The following SLC24A3 variants were observed in gnomAD, a reference collection of about 807,000 sequenced individuals.
The protein encoded by SLC24A3 is sodium/potassium/calcium exchanger 3.
In SLC24A3, 28 loss-of-function variants were observed where a neutral mutation model predicts 75.8. The observed-to-expected ratio is 0.37, with a 90% CI of 0.27 to 0.51. The LOEUF (loss-of-function observed/expected upper bound fraction) is 0.51. SLC24A3 is among the 20% of genes least tolerant of loss of function. The probability of loss-of-function intolerance (pLI) is 0.94; values close to 1 mark genes in which losing one functional copy is unlikely to be tolerated. For missense variants in SLC24A3, 663 were observed against 847.8 expected, an observed-to-expected ratio of 0.78 and a Z score of 2.71; for synonymous variants, 372 against 334.1, an observed-to-expected ratio of 1.11 and a Z score of -1.24.
At chr20:19,214,271 T>C (rs945696852) in intron 1 of SLC24A3, among the ~76,000 whole-genome samples, 2 of 152,132 alleles carry the variant, frequency 1.3e-5, no homozygotes, top group Admixed American at 6.5e-5. Flanking sequence ...TCCATTGCTC[T>C]CCTGGATCTC....
chr20:19,234,791 C>T (rs1982116555), intron 1 of SLC24A3, among the ~76,000 whole-genome samples: 1 of 152,196 alleles, frequency 6.6e-6, no homozygotes, highest in Admixed American at 6.5e-5. Context: ...TAATGGCTAT[C>T]ATTTCTGTTG....
At chr20:19,320,234 G>A (rs1457731986) in intron 2 of SLC24A3, among the ~76,000 whole-genome samples, 1 of 152,188 alleles carries the variant, frequency 6.6e-6, no homozygotes, top group Non-Finnish European at 1.5e-5. Flanking sequence ...TGGAGAAGTG[G>A]TGTGCATGTG....
At chr20:19,227,651 C>T (rs930815227) in intron 1 of SLC24A3, among the ~76,000 whole-genome samples, 7 of 152,072 alleles carry the variant, frequency 4.6e-5, no homozygotes, top group Non-Finnish European at 5.9e-5. Context: ...CTACTGTTTC[C>T]TCTACCTCCA....
At chr20:19,574,631 G>A (rs1342430634) in intron 3 of SLC24A3, among the ~76,000 whole-genome samples, 2 of 152,154 alleles carry the variant, frequency 1.3e-5, no homozygotes, top group East Asian at 1.9e-4. Flanking sequence ...GGCTAGCTTG[G>A]GCATGTTCTC....
At chr20:19,220,095 C>G (rs1981665886) in intron 1 of SLC24A3, among the ~76,000 whole-genome samples, 1 of 152,184 alleles carries the variant, frequency 6.6e-6, no homozygotes, top group African/African-American at 2.4e-5. Context: ...TGGTCATGAC[C>G]TTTTCATGTT....
At chr20:19,237,214 A>G (rs1368744061) in intron 1 of SLC24A3, among the ~76,000 whole-genome samples, 3 of 152,140 alleles carry the variant, frequency 2.0e-5, no homozygotes, top group Non-Finnish European at 4.4e-5. Flanking sequence ...TCCTTCTGCC[A>G]TGGAAAGAGA....
At chr20:19,644,571 AGAAT>A (rs2032113236) in intron 6 of SLC24A3, among the ~76,000 whole-genome samples, 1 of 152,244 alleles carries the variant, frequency 6.6e-6, no homozygotes, top group Admixed American at 6.5e-5. Context: ...CTGAGATGAC[AGAAT>A]GAATATTGTG....
chr20:19,511,695 A>T (rs951237780), intron 2 of SLC24A3, among the ~76,000 whole-genome samples: 1 of 152,180 alleles, frequency 6.6e-6, no homozygotes, highest in African/African-American at 2.4e-5. Flanking sequence ...ATGCATATCT[A>T]AAAGGGAAAA....
At chr20:19,351,630 G>A (rs1985567830) in intron 2 of SLC24A3, among the ~76,000 whole-genome samples, 1 of 152,112 alleles carries the variant, frequency 6.6e-6, no homozygotes, top group Admixed American at 6.5e-5. Context: ...CTCCTTTCCT[G>A]GGGTATCTGT....
intron 2 of SLC24A3, among the ~76,000 whole-genome samples, chr20:19,394,250 A>G (rs1473860888): frequency 6.6e-6 from 1 of 152,206 alleles, no homozygotes; most frequent in Non-Finnish European, 1.5e-5. Context: ...AAAATATAAA[A>G]TTCTTAGAAG....
At chr20:19,687,211 T>A (rs368817910) in intron 12 of SLC24A3, among the ~76,000 whole-genome samples, 80 of 152,312 alleles carry the variant, frequency 5.3e-4, no homozygotes, top group African/African-American at 1.7e-3. Flanking sequence ...ATTGCGGCTG[T>A]GCAGGTCCTT....
chr20:19,445,661 C>T (rs938358971), intron 2 of SLC24A3, among the ~76,000 whole-genome samples: 1 of 152,154 alleles, frequency 6.6e-6, no homozygotes, highest in African/African-American at 2.4e-5. Context: ...ACCCATCAGC[C>T]ATTAGTTAAG....
intron 2 of SLC24A3, among the ~76,000 whole-genome samples, chr20:19,480,278 T>A (rs944139927): frequency 1.3e-5 from 2 of 152,122 alleles, no homozygotes; most frequent in African/African-American, 4.8e-5. Context: ...TCATTTCACC[T>A]CTCTGGGGCT....
chr20:19,572,370 CA>C (rs1205654329), intron 3 of SLC24A3, among the ~76,000 whole-genome samples: 2 of 152,104 alleles, frequency 1.3e-5, no homozygotes, highest in Non-Finnish European at 2.9e-5. Context: ...AAGAAAAAAA[CA>C]GGTCCATAAC....
intron 2 of SLC24A3, among the ~76,000 whole-genome samples, chr20:19,482,416 C>T (rs550806394): frequency 3.3e-5 from 5 of 152,312 alleles, no homozygotes; most frequent in Admixed American, 3.3e-4. Flanking sequence ...CTGCTTGCCC[C>T]TCTGCCATGT....
At chr20:19,262,649 C>G (rs1202219506) in intron 1 of SLC24A3, among the ~76,000 whole-genome samples, 1 of 152,126 alleles carries the variant, frequency 6.6e-6, no homozygotes, top group Non-Finnish European at 1.5e-5. Context: ...TCAGGCCACC[C>G]CTTCTCCCCT....
chr20:19,462,223 C>T (rs955939680), intron 2 of SLC24A3, among the ~76,000 whole-genome samples: 1 of 152,156 alleles, frequency 6.6e-6, no homozygotes, highest in Non-Finnish European at 1.5e-5. Context: ...GACTGCTGTC[C>T]TCAGAGCTTC....
At chr20:19,565,564 C>T (rs1244929480) in intron 3 of SLC24A3, among the ~76,000 whole-genome samples, 1 of 152,154 alleles carries the variant, frequency 6.6e-6, no homozygotes, top group African/African-American at 2.4e-5. Context: ...CTGCTTCTTC[C>T]TTGTCTTGCC....
chr20:19,642,821 C>A (rs1269452895), intron 6 of SLC24A3, among the ~76,000 whole-genome samples: 1 of 152,200 alleles, frequency 6.6e-6, no homozygotes, highest in African/African-American at 2.4e-5. Flanking sequence ...CTGCCTTAGT[C>A]ACCCAATTCT....
Sources: allele counts gnomAD v4.1 joint callset (sites outside exome capture counted in the v4.1 genomes callset), GRCh38; gene constraint gnomAD v4.1.1; transcripts MANE v1.5; gene names NCBI Gene and HGNC (gene_info 2026-07-23, HGNC 2026-07-21).